The following JAKMIP1 variants were observed in gnomAD, a reference collection of about 807,000 sequenced individuals.
JAKMIP1 encodes janus kinase and microtubule interacting protein 1, also known as janus kinase and microtubule-interacting protein 1.
JAKMIP1 carries 33 observed loss-of-function variants against 113.0 expected under a neutral mutation model. The ratio of observed to expected loss-of-function variants is 0.29; its 90% CI spans 0.22 to 0.39. The LOEUF (loss-of-function observed/expected upper bound fraction) is 0.39, where lower values mean the gene tolerates loss of function less well. Ranked by LOEUF, JAKMIP1 falls within the 10% of genes least tolerant of loss-of-function variation. The pLI is 1.00. For synonymous variants in JAKMIP1, 480 were observed against 459.9 expected, an observed-to-expected ratio of 1.04 and a Z score of -0.56; for missense variants, 813 against 1,080.5, an observed-to-expected ratio of 0.75 and a Z score of 3.47.
rs1438647112 is a variant in JAKMIP1 at position 6,188,072 on chromosome 4, C to A, written c.-148+12181G>T. Among the ~76,000 whole-genome samples, 1 of 152,108 alleles carries A rather than the reference C, an allele frequency of 6.6e-6. No homozygotes were observed. The highest frequency in any genetic ancestry group is 1.5e-5 in the Non-Finnish European group (1 of 68,008). Reference sequence around the variant, plus strand: ...TTAAGTTTCTTAAATGGCTAATTTTCAAATCTGTCATTTTTTTTTCTTTTT... The same window carrying A: ...TTAAGTTTCTTAAATGGCTAATTTTAAAATCTGTCATTTTTTTTTCTTTTT... On this transcript the variant is annotated intron_variant, in intron 1 of 20. Coordinates refer to ENST00000409021, the MANE Select transcript of JAKMIP1 (RefSeq NM_001099433.2). The surrounding 1 kb of genome is among the most constrained non-coding windows in gnomAD (Gnocchi z 5.8).
intron 16 of JAKMIP1, among the ~76,000 whole-genome samples, chr4:6,045,004 G>A (rs1340643940): frequency 6.6e-6 from 1 of 152,258 alleles, no homozygotes; most frequent in African/African-American, 2.4e-5. Context: ...CATGGGGGCA[G>A]CATGCTGCAG....
In JAKMIP1 at chr4:6,156,551, C is replaced by T. The variant is rs1016490455; in HGVS notation, c.-147-43554G>A. ...TCCAGAGCCATCTGTTCTGAGCGTT[C>T]GGCTTCAGCCCCCAGTCATCCTGGT... is the stretch of plus-strand genomic sequence containing the variant. On this transcript the variant is annotated intron_variant, in intron 1 of 20. Transcript: ENST00000409021. The surrounding 1 kb of genome is among the most constrained non-coding windows in gnomAD (Gnocchi z 5.0). Among the ~76,000 whole-genome samples the T allele has an allele frequency of 6.6e-6, 1 of 152,236 alleles. No individual in the cohort carries two copies. Among genetic ancestry groups the T allele is most frequent in the Admixed American group, 6.5e-5 (1 of 15,286 alleles).
chr4:6,155,181 C>T lies in JAKMIP1; in HGVS notation c.-147-42184G>A, dbSNP rs1272793483. ...AAAAGGCCTACACATGAATGCCTGG[C>T]TGGAGCTTCCCTCCGCAGTGACCCT... On this transcript the variant is annotated intron_variant, in intron 1 of 20. Coordinates refer to ENST00000409021, the MANE Select transcript of JAKMIP1 (RefSeq NM_001099433.2). This position sits in a 1 kb window ranked among gnomAD's most constrained non-coding sequence, Gnocchi z 6.1. 6.6e-6 allele frequency among the ~76,000 whole-genome samples: 1 copy of T among 152,130 alleles called. No homozygotes were observed. Among genetic ancestry groups the T allele is most frequent in the Non-Finnish European group, 1.5e-5 (1 of 68,030 alleles).
At position 6,158,236 on chromosome 4, in the gene JAKMIP1, G is replaced by A. The variant is rs1722492983; in HGVS notation, c.-148+42017C>T. ...CCATACATCCCAACTTTGCCCTGCG[G>A]ATACTACATGCTTCTCACCAGGGGT... On this transcript the variant is annotated intron_variant, in intron 1 of 20. Coordinates refer to ENST00000409021, the MANE Select transcript of JAKMIP1 (RefSeq NM_001099433.2). This position sits in a 1 kb window ranked among gnomAD's most constrained non-coding sequence, Gnocchi z 5.3. Among the ~76,000 whole-genome samples, 1 of 152,168 alleles carries A rather than the reference G, an allele frequency of 6.6e-6. No homozygotes were observed. The highest frequency in any genetic ancestry group is 2.4e-5 in the African/African-American group (1 of 41,434).
intron 1 of JAKMIP1, among the ~76,000 whole-genome samples, chr4:6,165,092 G>A (rs1420476337): frequency 6.6e-6 from 1 of 152,190 alleles, no homozygotes; most frequent in Non-Finnish European, 1.5e-5. Context: ...AATCTTTGGT[G>A]AAAGAGTCCA....
rs969143283 is a variant in JAKMIP1, at chr4:6,067,361, G to A, written c.1303-2353C>T. Among the ~76,000 whole-genome samples the A allele has an allele frequency of 6.6e-6, 1 of 152,200 alleles. No individual in the cohort carries two copies. On this transcript the variant is annotated intron_variant, in intron 8 of 20. Transcript: ENST00000409021. This position sits in a 1 kb window ranked among gnomAD's most constrained non-coding sequence, Gnocchi z 4.6. ...CACCATGTGGTTACATGCCCCAGAT[G>A]AGTCTCATTGGCAGGTACGTGAAGA...
chr4:6,125,598 A>AACACAC (rs111906803), intron 1 of JAKMIP1, among the ~76,000 whole-genome samples: 2,064 of 112,072 alleles, frequency 0.018, 116 homozygotes, highest in African/African-American at 0.064. Flanking sequence ...ACCATGCAGA[A>AACACAC]ACACACACAC....
intron 11 of JAKMIP1, among the ~76,000 whole-genome samples, chr4:6,058,113 G>A (rs779143322): frequency 5.3e-5 from 8 of 152,214 alleles, no homozygotes; most frequent in Non-Finnish European, 8.8e-5. Context: ...CTGGATGAAT[G>A]GACACAGGCT....
intron 1 of JAKMIP1, among the ~76,000 whole-genome samples, chr4:6,149,458 A>G (rs1004601007): frequency 1.3e-5 from 2 of 152,156 alleles, no homozygotes; most frequent in Non-Finnish European, 2.9e-5. Flanking sequence ...GTGGAGTCCC[A>G]GTGAAATCTA....
In JAKMIP1 at chr4:6,169,345, A is replaced by G. The variant is rs544777400; in HGVS notation, c.-148+30908T>C. ...GCTGGGGTCCTTATAAAAGATACTC[A>G]GACAGACGCAGCAGGAGGAGTCCAC... On this transcript the variant is annotated intron_variant, in intron 1 of 20. Transcript: ENST00000409021. Among the ~76,000 whole-genome samples, 28 of 152,232 alleles carry G rather than the reference A, an allele frequency of 1.8e-4. 1 individual carries two copies. The South Asian group carries it at 5.8e-3, about 32-fold the overall frequency.
chr4:6,059,278 C>T lies in JAKMIP1; in HGVS notation c.1644+1146G>A, dbSNP rs569218276. Among the ~76,000 whole-genome samples, 17 of 152,286 alleles carry T rather than the reference C, an allele frequency of 1.1e-4. No homozygotes were observed. Among genetic ancestry groups the T allele is most frequent in the Middle Eastern group, 6.8e-3 (2 of 294 alleles). Reference sequence around the variant, plus strand: ...CCAGGCATGCATGCTGGTCGCTGGCCGTCCGCCTCCATGGGAACCTCAGTC... The same window carrying T: ...CCAGGCATGCATGCTGGTCGCTGGCTGTCCGCCTCCATGGGAACCTCAGTC... On this transcript the variant is annotated intron_variant, in intron 11 of 20. Transcript: ENST00000409021. The surrounding 1 kb of genome is among the most constrained non-coding windows in gnomAD (Gnocchi z 4.8).
rs58425504 is a variant in JAKMIP1 at position 6,051,223 on chromosome 4, CTTT to C, written c.1807-547_1807-545del. Reference sequence around the variant, plus strand: ...GGCTGACTTTCTTTCTTTTTCTTTCCTTTTTTTTTTTTTTTTGAGAGGGTGTTC... The same window carrying C: ...GGCTGACTTTCTTTCTTTTTCTTTCCTTTTTTTTTTTTTGAGAGGGTGTTC... On this transcript the variant is annotated intron_variant, in intron 13 of 20. Coordinates refer to ENST00000409021, the MANE Select transcript of JAKMIP1 (RefSeq NM_001099433.2). The surrounding 1 kb of genome is among the most constrained non-coding windows in gnomAD (Gnocchi z 5.0). Among the ~76,000 whole-genome samples, 16 of 139,020 alleles carry C rather than the reference CTTT, an allele frequency of 1.2e-4. No individual in the cohort carries two copies. Among genetic ancestry groups the C allele is most frequent in the East Asian group, 2.0e-4 (1 of 4,898 alleles). The allele number at this position is 139,020 out of a possible 152,430, so 91.2% of individuals were successfully genotyped here.
In JAKMIP1 at chr4:6,193,684, G is replaced by A. The variant is rs1023218685; in HGVS notation, c.-148+6569C>T. On this transcript the variant is annotated intron_variant, in intron 1 of 20. Transcript: ENST00000409021. The surrounding 1 kb of genome is among the most constrained non-coding windows in gnomAD (Gnocchi z 6.4). Reference sequence around the variant, plus strand: ...GCTCTTGCTTGGAAAATGAGGAGCCGACAACCATTCTGCAGGTTTCAAGGA... The same window carrying A: ...GCTCTTGCTTGGAAAATGAGGAGCCAACAACCATTCTGCAGGTTTCAAGGA... 1.3e-5 allele frequency among the ~76,000 whole-genome samples: 2 copies of A among 152,278 alleles called. No individual in the cohort carries two copies. The highest frequency in any genetic ancestry group is 2.9e-5 in the Non-Finnish European group (2 of 68,032).
chr4:6,157,443 AT>A lies in JAKMIP1; in HGVS notation c.-148+42809del, dbSNP rs1312425922. 5.3e-5 allele frequency among the ~76,000 whole-genome samples: 8 copies of A among 152,218 alleles called. No homozygotes were observed. Among genetic ancestry groups the A allele is most frequent in the African/African-American group, 1.9e-4 (8 of 41,456 alleles). On this transcript the variant is annotated intron_variant, in intron 1 of 20. Transcript: ENST00000409021. The surrounding 1 kb of genome is among the most constrained non-coding windows in gnomAD (Gnocchi z 4.7). ...TATGGTAATTCAGGTAATTTGTGAT[AT>A]TTAGGAAGCTACAAATTATAGATAT... is the stretch of plus-strand genomic sequence containing the variant.
rs201264259 is a variant in JAKMIP1, at chr4:6,188,279, G to T, written c.-148+11974C>A. On this transcript the variant is annotated intron_variant, in intron 1 of 20. Transcript: ENST00000409021. The surrounding 1 kb of genome is among the most constrained non-coding windows in gnomAD (Gnocchi z 5.8). ...TCCCCTTTGTGACATGTGGTGACTG[G>T]AAGTGTGGAGACAGCTCATTGCTTC... Among the ~76,000 whole-genome samples the T allele has an allele frequency of 6.6e-6, 1 of 152,202 alleles. No homozygotes were observed. Among genetic ancestry groups the T allele is most frequent in the Non-Finnish European group, 1.5e-5 (1 of 68,046 alleles).
rs552966384 is a variant in JAKMIP1, at chr4:6,185,423, G to A, written c.-148+14830C>T. ...AGCACTTTGGGAGGCCGAGGTGGGC[G>A]GATCATGAGGTCAGGAGATCGAGAC... On this transcript the variant is annotated intron_variant, in intron 1 of 20. Coordinates refer to ENST00000409021, the MANE Select transcript of JAKMIP1 (RefSeq NM_001099433.2). This position sits in a 1 kb window ranked among gnomAD's most constrained non-coding sequence, Gnocchi z 5.3. Among the ~76,000 whole-genome samples the A allele has an allele frequency of 5.1e-4, 78 of 152,170 alleles. No homozygotes were observed. Among genetic ancestry groups the A allele is most frequent in the African/African-American group, 1.8e-3 (76 of 41,510 alleles).
At chr4:6,196,112 AC>A (rs1313982859) in intron 1 of JAKMIP1, among the ~76,000 whole-genome samples, 1 of 152,190 alleles carries the variant, frequency 6.6e-6, no homozygotes, top group Non-Finnish European at 1.5e-5. Flanking sequence ...CCCCGGCCCC[AC>A]TGGGGAGCTG....
chr4:6,103,272 G>C (rs1379795917), intron 3 of JAKMIP1, among the ~76,000 whole-genome samples: 1 of 151,890 alleles, frequency 6.6e-6, no homozygotes, highest in Non-Finnish European at 1.5e-5. Context: ...GACTGACCAC[G>C]TTTTTCTTTT....
Position 6,064,759 on chromosome 4 carries a change from A to G in JAKMIP1, c.1431+121T>C. ...TGGCTTTGATAATGCACTGGTAGGAACTGGTCATCTGGGGTTCAGAACTAT... is the reference window on the plus strand; with the variant it reads ...TGGCTTTGATAATGCACTGGTAGGAGCTGGTCATCTGGGGTTCAGAACTAT... On this transcript the variant is annotated intron_variant, in intron 9 of 20. Transcript: ENST00000409021. This position sits in a 1 kb window ranked among gnomAD's most constrained non-coding sequence, Gnocchi z 4.3. 1 of 1,283,742 alleles carries G rather than the reference A, an allele frequency of 7.8e-7. No homozygotes were observed. The highest frequency in any genetic ancestry group is 1.1e-6 in the Non-Finnish European group (1 of 916,196). The allele number at this position is 1,283,742 out of a possible 1,614,324, so 79.5% of individuals were successfully genotyped here.
Sources: gnomAD v4.1 joint callset for allele counts (sites outside exome capture counted in the v4.1 genomes callset) on GRCh38, gnomAD v4.1.1 for gene constraint, Gnocchi (gnomAD v3.1) non-coding constraint, MANE v1.5 for transcripts, NCBI Gene and HGNC (gene_info 2026-07-23, HGNC 2026-07-21) for gene names.